Variants in CYP24A1 observed in about 807,000 individuals in gnomAD.
CYP24A1 encodes the protein 1,25-dihydroxyvitamin D(3) 24-hydroxylase, mitochondrial.
In CYP24A1, 68 loss-of-function variants were observed where a neutral mutation model predicts 62.4. The ratio of observed to expected loss-of-function variants is 1.09; its 90% confidence interval spans 0.90 to 1.33. CYP24A1 has a LOEUF of 1.33. CYP24A1 is among the 40% of genes most tolerant of loss of function. The pLI, the probability that CYP24A1 is intolerant of heterozygous loss-of-function variation, is 0.00. For missense variants in CYP24A1, 787 were observed against 653.0 expected, an observed-to-expected ratio of 1.21 and a Z score of -2.24; for synonymous variants, 267 against 253.0, an observed-to-expected ratio of 1.06 and a Z score of -0.52.
In CYP24A1 at chr20:54,164,441, CG is replaced by C; in HGVS notation, c.844+10del. The C allele has an allele frequency of 6.2e-7, 1 of 1,614,004 alleles. No homozygotes were observed. The highest frequency in any genetic ancestry group is 8.5e-7 in the Non-Finnish European group (1 of 1,179,982). ...GCTGGTTCTGGCTGGTTGTGAAGGG[CG>C]GCCCTTTACCTGATTTGAAAATGGT... On this transcript the variant is annotated intron_variant, in intron 6 of 11. Transcript: ENST00000216862.
chr20:54,170,109 G>A (rs776411533), intron 3 of CYP24A1, among the ~76,000 whole-genome samples: 27 of 152,104 alleles, frequency 1.8e-4, no homozygotes, highest in South Asian at 4.2e-4. Flanking sequence ...GCAAGCAAAC[G>A]TCTCTTTATT....
At chr20:54,170,985 A>G (rs948213795) in intron 3 of CYP24A1, among the ~76,000 whole-genome samples, 1 of 152,236 alleles carries the variant, frequency 6.6e-6, no homozygotes, top group Non-Finnish European at 1.5e-5. Flanking sequence ...CCTATCCAGT[A>G]TCATTTCAGA....
At position 54,164,572 on chromosome 20, in the gene CYP24A1, A is replaced by G. The variant is rs895309596; in HGVS notation, c.733-9T>C. 1.9e-5 allele frequency: 30 copies of G among 1,614,044 alleles called. No individual in the cohort carries two copies. The Admixed American group carries it at 4.7e-4, about 25-fold the overall frequency. The stretch of plus-strand genomic sequence containing the variant: ...CCAAACGTGCTCATCATCTGAGAGA[A>G]ATGCAAATGCCTTTTTATTCTGAAT... On this transcript the variant is annotated splice_polypyrimidine_tract_variant and intron_variant, in intron 5 of 11. Transcript: ENST00000216862.
At chr20:54,164,599 C>T (rs1204830703) in intron 5 of CYP24A1, 36 bp from the exon 6 acceptor site, 6 of 1,613,898 alleles carry the variant, frequency 3.7e-6, no homozygotes, top group Non-Finnish European at 5.1e-6. Context: ...ATTCTGAATT[C>T]TCCTTCTCTC....
In CYP24A1 at chr20:54,173,245, A is replaced by G. The variant is rs759571935; in HGVS notation, c.258+77T>C. 1.1e-5 allele frequency: 16 copies of G among 1,523,280 alleles called. No individual in the cohort carries two copies. Among genetic ancestry groups the G allele is most frequent in the Non-Finnish European group, 1.4e-5 (16 of 1,104,058 alleles). The allele number at this position is 1,523,280 out of a possible 1,614,324, so 94.4% of individuals were successfully genotyped here. ...AGCGCACCATGCGCCCGAGGCGCGC[A>G]TGTCGGGGAGGGTTTGGAGCGCCAC... On this transcript the variant is annotated intron_variant, in intron 1 of 11. Transcript: ENST00000216862. The surrounding 1 kb of genome is among the most constrained non-coding windows in gnomAD (Gnocchi z 7.2).
Position 54,157,392 on chromosome 20 carries a change from C to A in CYP24A1, c.1430G>T (p.Cys477Phe). The A allele has an allele frequency of 1.9e-6, 3 of 1,587,218 alleles. No homozygotes were observed. The highest frequency in any genetic ancestry group is 2.6e-6 in the Non-Finnish European group (3 of 1,155,380). The change falls in exon 10 of 12, where the codon TGT becomes TTT. Residue 477 changes from cysteine to phenylalanine, a missense_variant. Coordinates refer to ENST00000216862, the MANE Select transcript of CYP24A1 (RefSeq NM_000782.5). Reference sequence around the variant, plus strand: ...AGAAACCGGTAAAGGTTTTACCCAACAAAGAGCCAAATGCAGTTGAAGCTC... The same window carrying A: ...AGAAACCGGTAAAGGTTTTACCCAAAAAAGAGCCAAATGCAGTTGAAGCTC... ...LAELQLHLAL[C>F]WIVRKYDIQA...
chr20:54,149,933 CA>C (rs1364046343), downstream of CYP24A1, among the ~76,000 whole-genome samples: 2 of 152,156 alleles, frequency 1.3e-5, no homozygotes, highest in Non-Finnish European at 1.5e-5. Flanking sequence ...AGACATAAGC[CA>C]ACTACTTTAG....
In CYP24A1 at chr20:54,172,978, T is replaced by A. The variant is rs1263478443; in HGVS notation, c.380A>T (p.Gln127Leu). The A allele has an allele frequency of 1.2e-6, 2 of 1,612,936 alleles. No homozygotes were observed. The highest frequency in any genetic ancestry group is 1.7e-6 in the Non-Finnish European group (2 of 1,180,014). The part of the protein sequence containing the change: ...ALYRTESAYP[Q>L]RLEIKPWKAY... ...CTTCCACGGTTTGATCTCCAGCCGC[T>A]GCGGGTACGCGCTCTCGGTGCGGTA... The change falls in exon 2 of 12, where the codon CAG (glutamine) becomes CTG (leucine). Residue 127 changes from glutamine to leucine, a missense_variant. Transcript: ENST00000216862.
At chr20:54,144,893 C>T in the CYP24A1 span, among the ~76,000 whole-genome samples, 1 of 152,014 alleles carries the variant, frequency 6.6e-6, no homozygotes, top group Non-Finnish European at 1.5e-5. Flanking sequence ...ATTCCAAGAT[C>T]TCTTGATGAA....
chr20:54,168,759 TCTCCCTCCTTCCTTCCTTCC>T (rs2092681795), intron 4 of CYP24A1, among the ~76,000 whole-genome samples: 1 of 112,250 alleles, frequency 8.9e-6, no homozygotes, highest in Non-Finnish European at 1.8e-5. Context: ...TCCTTCCTTC[TCTCCCTCCTTCCTTCCTTCC>T]CTCCCTCCCT....
chr20:54,152,174 A>G (rs533111916), downstream of CYP24A1, among the ~76,000 whole-genome samples: 1 of 152,312 alleles, frequency 6.6e-6, no homozygotes, highest in African/African-American at 2.4e-5. Context: ...TGGCACCTGC[A>G]GCCTTCTTCA....
chr20:54,152,752 G>A (rs1231895647), downstream of CYP24A1, among the ~76,000 whole-genome samples: 2 of 152,160 alleles, frequency 1.3e-5, no homozygotes, highest in Non-Finnish European at 2.9e-5. Flanking sequence ...GCCTGGAAGT[G>A]TGGATTGCAG....
chr20:54,168,846 TCTTCCTTCCTTCCTTCCTTC>T (rs1195139713), intron 4 of CYP24A1, among the ~76,000 whole-genome samples: 2,500 of 43,502 alleles, frequency 0.057, 88 homozygotes, highest in Middle Eastern at 0.071. Context: ...CTCCCTCCCT[TCTTCCTTCCTTCCTTCCTTC>T]CTTCCTTCCT....
intron 7 of CYP24A1, among the ~76,000 whole-genome samples, chr20:54,162,224 T>TG (rs1228168942): frequency 0.28 from 11,443 of 40,744 alleles, 427 homozygotes; most frequent in South Asian, 0.35. Flanking sequence ...GTATGCCTTT[T>TG]TTTTTTTTTT....
chr20:54,151,316 C>T (rs1262690192), downstream of CYP24A1, among the ~76,000 whole-genome samples: 2 of 152,078 alleles, frequency 1.3e-5, no homozygotes, highest in African/African-American at 4.8e-5. Context: ...CATGTTAATA[C>T]AGGAAATTAA....
At chr20:54,150,545 C>T (rs899466029), downstream of CYP24A1, among the ~76,000 whole-genome samples, 4 of 152,092 alleles carry the variant, frequency 2.6e-5, no homozygotes, top group African/African-American at 7.2e-5. Flanking sequence ...AGGCTGGTCT[C>T]GAACCCCTGA....
chr20:54,166,439 C>A (rs1022804078), intron 4 of CYP24A1, among the ~76,000 whole-genome samples: 1 of 152,070 alleles, frequency 6.6e-6, no homozygotes, highest in Non-Finnish European at 1.5e-5. Flanking sequence ...TACCTGAATC[C>A]CCCGAACTCA....
At chr20:54,151,408 C>T (rs1405057410), downstream of CYP24A1, among the ~76,000 whole-genome samples, 1 of 151,722 alleles carries the variant, frequency 6.6e-6, no homozygotes, top group Admixed American at 6.6e-5. Flanking sequence ...TCCATCAACC[C>T]AATGGTCTAA....
chr20:54,146,104 C>A, the CYP24A1 span, among the ~76,000 whole-genome samples: 2,730 of 152,176 alleles, frequency 0.018, 108 homozygotes, highest in African/African-American at 0.062. Context: ...TGAAAAAAAT[C>A]AATGTAATAC....
Sources: gnomAD v4.1 joint callset for allele counts (sites outside exome capture counted in the v4.1 genomes callset) on GRCh38, gnomAD v4.1.1 for gene constraint, Gnocchi (gnomAD v3.1) non-coding constraint, MANE v1.5 for transcripts, NCBI Gene and HGNC (gene_info 2026-07-23, HGNC 2026-07-21) for gene names.